ANKRD44: variants seen among roughly 807,000 people sequenced by gnomAD.
ANKRD44 encodes ankyrin repeat domain 44, also known as serine/threonine-protein phosphatase 6 regulatory ankyrin repeat subunit B.
A neutral mutation model predicts 116.0 loss-of-function variants in ANKRD44; 35 were observed. The observed-to-expected ratio is 0.30, with a 90% CI of 0.23 to 0.40. The LOEUF (loss-of-function observed/expected upper bound fraction) is 0.40. Ranked by LOEUF, ANKRD44 falls within the 10% of genes least tolerant of loss-of-function variation. The probability of loss-of-function intolerance (pLI) is 1.00; values close to 1 mark genes in which losing one functional copy is unlikely to be tolerated. For synonymous variants in ANKRD44, 435 were observed against 461.8 expected, an observed-to-expected ratio of 0.94 and a Z score of 0.74; for missense variants, 1,014 against 1,242.6, an observed-to-expected ratio of 0.82 and a Z score of 2.77.
intron 16 of ANKRD44, chr2:197,030,209 C>G (rs1337901973): frequency 1.3e-5 from 2 of 152,492 alleles, no homozygotes; most frequent in East Asian, 3.9e-4. Flanking sequence ...GCCTGCCTTT[C>G]AACTAGATAT....
At chr2:196,984,931 TG>T (rs1459408114), downstream of ANKRD44, among the ~76,000 whole-genome samples, 2 of 152,236 alleles carry the variant, frequency 1.3e-5, no homozygotes, top group South Asian at 4.1e-4. Flanking sequence ...GAGTATAGAT[TG>T]GACTTAGTAA....
At chr2:197,105,907 C>A (rs540037650) in intron 9 of ANKRD44, among the ~76,000 whole-genome samples, 7 of 152,304 alleles carry the variant, frequency 4.6e-5, no homozygotes, top group Admixed American at 2.0e-4. Flanking sequence ...CCCCAGACTG[C>A]AGAGAAGTCT....
intron 9 of ANKRD44, among the ~76,000 whole-genome samples, chr2:197,104,739 T>C (rs2078384250): frequency 6.6e-6 from 1 of 152,218 alleles, no homozygotes. Flanking sequence ...CAAACAACGC[T>C]TTTTCTAGCC....
At chr2:197,087,465 G>A (rs1335809776) in intron 12 of ANKRD44, among the ~76,000 whole-genome samples, 2 of 152,188 alleles carry the variant, frequency 1.3e-5, no homozygotes, top group African/African-American at 4.8e-5. Flanking sequence ...GGAATTGTAT[G>A]TTGTCACTTT....
rs370367293 is a variant in ANKRD44, at chr2:197,271,820, A to C, written c.27+38758T>G. The stretch of plus-strand genomic sequence containing the variant: ...TTTCACCATGTTGCCCAGGCTGGTC[A>C]TGAACTCCTGGGCTCAAGCGATCTG... On this transcript the variant is annotated intron_variant, in intron 1 of 27. Transcript: ENST00000282272. Among the ~76,000 whole-genome samples the C allele has an allele frequency of 2.8e-4, 42 of 152,192 alleles. 1 individual carries two copies. Among genetic ancestry groups the C allele is most frequent in the African/African-American group, 9.6e-4 (40 of 41,526 alleles).
intron 12 of ANKRD44, among the ~76,000 whole-genome samples, chr2:197,088,069 C>T (rs556945186): frequency 6.6e-6 from 1 of 152,288 alleles, no homozygotes; most frequent in South Asian, 2.1e-4. Context: ...CAAACAAGGT[C>T]ATCCAAGAGA....
intron 8 of ANKRD44, among the ~76,000 whole-genome samples, chr2:197,118,098 A>T (rs959962969): frequency 7.9e-5 from 12 of 151,950 alleles, no homozygotes; most frequent in African/African-American, 2.9e-4. Flanking sequence ...CTGTAATCCC[A>T]GCTACTCGGG....
At chr2:197,023,525 A>G (rs959367491) in intron 17 of ANKRD44, among the ~76,000 whole-genome samples, 1 of 152,112 alleles carries the variant, frequency 6.6e-6, no homozygotes. Flanking sequence ...CCAGCAACCC[A>G]TAGAGTTTAG....
At chr2:197,273,980 A>AAAAATATATATATAT (rs1553546147) in intron 1 of ANKRD44, among the ~76,000 whole-genome samples, 1 of 43,944 alleles carries the variant, frequency 2.3e-5, no homozygotes, top group Non-Finnish European at 3.9e-5. Flanking sequence ...AAAAAAAAAA[A>AAAAATATATATATAT]ATATATATAT....
intron 1 of ANKRD44, among the ~76,000 whole-genome samples, chr2:197,293,695 C>CCA (rs1348720994): frequency 6.6e-6 from 1 of 152,178 alleles, no homozygotes; most frequent in African/African-American, 2.4e-5. Flanking sequence ...GAATGAAGTT[C>CCA]CACGGTCTTC....
Position 197,121,346 on chromosome 2 carries a change from C to A in ANKRD44, c.892G>T (p.Asp298Tyr), listed in dbSNP as rs758145911. ...GAGTGTCATACCTGAATGTTAACAT[C>A]TGCCCCGTTGTTTACTAACAATTCA... ...CLELLVNNGA[D>Y]VNIQSKDGKS... The change falls in exon 8 of 28, where the codon GAT (aspartate) becomes TAT (tyrosine). Residue 298 changes from aspartate (D) to tyrosine (Y), a missense_variant. By Grantham distance (160) the Asp-to-Tyr change is radical. Transcript: ENST00000282272. The A allele has an allele frequency of 3.7e-6, 6 of 1,614,156 alleles. No individual in the cohort carries two copies. The highest frequency in any genetic ancestry group is 5.1e-6 in the Non-Finnish European group (6 of 1,179,988).
At chr2:196,989,725 C>G (rs1453201671) in intron 27 of ANKRD44, 76 bp from the exon 28 acceptor site, 2 of 1,534,716 alleles carry the variant, frequency 1.3e-6, no homozygotes, top group Admixed American at 4.1e-5. Context: ...GTTTTACATG[C>G]TAAATCACCC....
intron 16 of ANKRD44, among the ~76,000 whole-genome samples, chr2:197,050,321 A>G (rs1292728162): frequency 6.6e-6 from 1 of 152,166 alleles, no homozygotes; most frequent in Admixed American, 6.5e-5. Flanking sequence ...ACAATTGAAC[A>G]CGAGATTTGA....
At position 197,288,675 on chromosome 2, in the gene ANKRD44, T is replaced by C. The variant is rs185396242; in HGVS notation, c.27+21903A>G. Among the ~76,000 whole-genome samples the C allele has an allele frequency of 8.7e-4, 132 of 151,704 alleles. 2 individuals carry two copies. Among genetic ancestry groups the C allele is most frequent in the Admixed American group, 6.7e-3 (102 of 15,238 alleles). Reference sequence around the variant, plus strand: ...ATATATATACACATATACACACACATATACACATACACACACACACACCAT... The same window carrying C: ...ATATATATACACATATACACACACACATACACATACACACACACACACCAT... On this transcript the variant is annotated intron_variant, in intron 1 of 27. Coordinates refer to ENST00000282272, the MANE Select transcript of ANKRD44 (RefSeq NM_001195144.2).
chr2:197,161,495 C>A (rs1444540471), intron 2 of ANKRD44, among the ~76,000 whole-genome samples: 1 of 152,110 alleles, frequency 6.6e-6, no homozygotes, highest in Non-Finnish European at 1.5e-5. Context: ...AACCTTGCCT[C>A]TGAGAGAATC....
chr2:197,128,408 T>A (rs2079026056), intron 4 of ANKRD44, among the ~76,000 whole-genome samples: 1 of 152,258 alleles, frequency 6.6e-6, no homozygotes. Context: ...TCGAGCTTTT[T>A]TTCATGTTTG....
intron 1 of ANKRD44, among the ~76,000 whole-genome samples, chr2:197,216,794 A>T (rs945282071): frequency 6.6e-6 from 1 of 151,700 alleles, no homozygotes; most frequent in African/African-American, 2.4e-5. Context: ...AGCGTCCAGG[A>T]AGCACTACTT....
Position 197,212,044 on chromosome 2 carries a change from T to TCC in ANKRD44, c.28-24939_28-24938insGG, listed in dbSNP as rs2081337777. 1.5e-5 allele frequency among the ~76,000 whole-genome samples: 1 copy of TCC among 66,450 alleles called. No homozygotes were observed. The highest frequency in any genetic ancestry group is 4.0e-5 in the African/African-American group (1 of 25,168). The allele number at this position is 66,450 out of a possible 152,430, so 43.6% of individuals were successfully genotyped here. On this transcript the variant is annotated intron_variant, in intron 1 of 27. Coordinates refer to ENST00000282272, the MANE Select transcript of ANKRD44 (RefSeq NM_001195144.2). This position sits in a 1 kb window ranked among gnomAD's most constrained non-coding sequence, Gnocchi z 4.8. Reference sequence around the variant, plus strand: ...GAGCCTCTCTCTCTCTCTCAGTCTCTCTCTCTCTCACACACACACACACAC... The same window carrying TCC: ...GAGCCTCTCTCTCTCTCTCAGTCTCTCCCTCTCTCTCACACACACACACACAC...
At chr2:197,023,311 A>G (rs1179086307) in intron 17 of ANKRD44, among the ~76,000 whole-genome samples, 1 of 152,212 alleles carries the variant, frequency 6.6e-6, no homozygotes, top group Non-Finnish European at 1.5e-5. Context: ...TCAATAAATT[A>G]ACAAGTTGGA....
Sources: allele counts gnomAD v4.1 joint callset (sites outside exome capture counted in the v4.1 genomes callset), GRCh38; gene constraint gnomAD v4.1.1; non-coding constraint Gnocchi (gnomAD v3.1); transcripts MANE v1.5; gene names NCBI Gene and HGNC (gene_info 2026-07-23, HGNC 2026-07-21).